POLD4: variants seen among roughly 807,000 people sequenced by gnomAD.
POLD4 encodes DNA polymerase delta 4, accessory subunit.
Under a neutral mutation model 16.5 loss-of-function variants are expected in POLD4, and 9 were observed. The observed-to-expected ratio is 0.55, with a 90% CI of 0.33 to 0.95. The LOEUF is 0.95. Ranked by LOEUF, POLD4 falls within the 40% of genes least tolerant of loss-of-function variation. The pLI is 0.03. For missense variants in POLD4, 129 were observed against 139.7 expected (o/e 0.92, Z 0.39); for synonymous variants, 62 against 57.6 (o/e 1.08, Z -0.35).
chr11:67,353,565 G>T, upstream of POLD4: 1 of 607,910 alleles, frequency 1.6e-6, no homozygotes, highest in Non-Finnish European at 2.8e-6. Flanking sequence ...CGGGGTCCAG[G>T]GAGGGACGCC....
intron 1 of POLD4, 103 bp downstream of exon 1, chr11:67,353,200 G>T: frequency 6.6e-7 from 1 of 1,523,510 alleles, no homozygotes. Context: ...CGGGAGGGGA[G>T]GACAGGCCAC....
rs1861897979 is a variant in POLD4, at chr11:67,352,696, C to T, written c.294G>A (p.Gln98=). Residue 98 remains glutamine, a synonymous_variant, in exon 3 of 4, where the codon CAG becomes CAA. Coordinates refer to ENST00000312419, the MANE Select transcript of POLD4 (RefSeq NM_021173.5). ...CCTCCCGGCCTGTCTCTGACCTGCA[C>T]TGGAAGCGGGGGTCTCCGGGGTGGG... ...LKTHPGDPRF[Q]CSLWHLYPL is the part of the protein sequence containing the mutation. 6.2e-7 allele frequency: 1 copy of T among 1,612,198 alleles called. No individual in the cohort carries two copies. The highest frequency in any genetic ancestry group is 1.3e-5 in the African/African-American group (1 of 74,860).
Position 67,350,869 on chromosome 11 carries a change from C to T in POLD4, c.*1126G>A, listed in dbSNP as rs1861853834. On this transcript the variant is annotated 3_prime_UTR_variant, in exon 4 of 4. Transcript: ENST00000312419. The stretch of plus-strand genomic sequence containing the variant: ...TCTCAGCTCACTGCCAGCTCTGCCT[C>T]CCGGGTTCACGCCATTCTCCTGCCT... The T allele has an allele frequency of 6.6e-6, 1 of 151,852 alleles. No individual in the cohort carries two copies. Among genetic ancestry groups the T allele is most frequent in the Non-Finnish European group, 1.5e-5 (1 of 68,048 alleles). 9.4% of individuals were successfully genotyped at this position (151,852 alleles called of 1,614,324 possible).
In POLD4 at chr11:67,352,878, G is replaced by T. The variant is rs570771947; in HGVS notation, c.188-76C>A. ...TCTGAGCTGGAGAATGTGTGTGTTG[G>T]GGGGAGACAGTTCCTGAGGGTCAGA... On this transcript the variant is annotated intron_variant, in intron 2 of 3. Coordinates refer to ENST00000312419, the MANE Select transcript of POLD4 (RefSeq NM_021173.5). 8 of 1,368,938 alleles carry T rather than the reference G, an allele frequency of 5.8e-6. No homozygotes were observed. The African/African-American group carries it at 8.6e-5, about 15-fold the overall frequency. 84.8% of individuals were successfully genotyped at this position (1,368,938 alleles called of 1,614,324 possible). A position where few individuals can be genotyped will look rare whatever the true frequency, so the allele number is the denominator to read the frequency against.
At position 67,352,011 on chromosome 11, in the gene POLD4, T is replaced by C. The variant is rs751903034; in HGVS notation, c.308A>G (p.His103Arg). The C allele has an allele frequency of 6.3e-6, 7 of 1,106,028 alleles. No individual in the cohort carries two copies. In the East Asian group the frequency reaches 2.1e-4, roughly 34 times the overall value. The allele number at this position is 1,106,028 out of a possible 1,614,324, so 68.5% of individuals were successfully genotyped here. A position where few individuals can be genotyped will look rare whatever the true frequency, so the allele number is the denominator to read the frequency against. ...CGTGGTGCCTCATAGGGGATAGAGATGCCAGAGACTGTGGAAGATGGGGTG... is the reference window on the plus strand; with the variant it reads ...CGTGGTGCCTCATAGGGGATAGAGACGCCAGAGACTGTGGAAGATGGGGTG... ...GDPRFQCSLW[H>R]LYPL Residue 103 changes from histidine (H) to arginine (R), a missense_variant, in exon 4 of 4, where the codon CAT (histidine) becomes CGT (arginine). By Grantham distance (29) the His-to-Arg change is conservative. Transcript: ENST00000312419.
rs2514258 is a variant in POLD4, at chr11:67,351,058, A to C, written c.*937T>G. 1.3e-5 allele frequency: 2 copies of C among 152,244 alleles called. No individual in the cohort carries two copies. The highest frequency in any genetic ancestry group is 6.5e-5 in the Admixed American group (1 of 15,276). The allele number at this position is 152,244 out of a possible 1,614,324, so 9.4% of individuals were successfully genotyped here. ...ATTACAGGTGTGAGCCACCGCGCCC[A>C]GCCATCAGTTTCTTACCAAAGCCCC... On this transcript the variant is annotated 3_prime_UTR_variant, in exon 4 of 4. Transcript: ENST00000312419. This position sits in a 1 kb window ranked among gnomAD's most constrained non-coding sequence, Gnocchi z 4.8.
upstream of POLD4, chr11:67,353,585 C>A (rs540094168): frequency 6.1e-5 from 36 of 586,034 alleles, no homozygotes; most frequent in Admixed American, 2.3e-4. Context: ...CTCCCCCACC[C>A]CCAAAAGCAC....
chr11:67,353,236 C>T, intron 1 of POLD4, 67 bp downstream of exon 1: 1 of 1,565,950 alleles, frequency 6.4e-7, no homozygotes, highest in South Asian at 1.1e-5. Flanking sequence ...GGCCCCTCCG[C>T]CCCTCTAGGG....
At position 67,352,878 on chromosome 11, in the gene POLD4, G is replaced by A. The variant is rs570771947; in HGVS notation, c.188-76C>T. 8.8e-6 allele frequency: 12 copies of A among 1,368,820 alleles called. No individual in the cohort carries two copies. The African/African-American group carries it at 1.0e-4, about 11-fold the overall frequency. 84.8% of individuals were successfully genotyped at this position (1,368,820 alleles called of 1,614,324 possible). A position where few individuals can be genotyped will look rare whatever the true frequency, so the allele number is the denominator to read the frequency against. ...TCTGAGCTGGAGAATGTGTGTGTTG[G>A]GGGGAGACAGTTCCTGAGGGTCAGA... On this transcript the variant is annotated intron_variant, in intron 2 of 3. Transcript: ENST00000312419.
chr11:67,353,344 C>G lies in POLD4; in HGVS notation c.56G>C (p.Gly19Ala), dbSNP rs1861921141. ...DSYPVVKRRE[G>A]PAGHSKGELA... is the part of the protein sequence containing the mutation. The stretch of plus-strand genomic sequence containing the variant: ...CTCCCCCTTGCTGTGCCCAGCGGGC[C>G]CCTCCCTCCTCTTCACAACCGGGTA... Residue 19 changes from glycine (G) to alanine (A), a missense_variant, in exon 1 of 4, where the codon GGG (glycine) becomes GCG (alanine). Coordinates refer to ENST00000312419, the MANE Select transcript of POLD4 (RefSeq NM_021173.5). The G allele has an allele frequency of 6.2e-7, 1 of 1,612,580 alleles. No homozygotes were observed. The highest frequency in any genetic ancestry group is 2.2e-5 in the East Asian group (1 of 44,874).
chr11:67,353,172 C>A, intron 1 of POLD4, 95 bp from the exon 2 acceptor site: 1 of 1,497,062 alleles, frequency 6.7e-7, no homozygotes, highest in Non-Finnish European at 9.1e-7. Flanking sequence ...TCTGCCACCC[C>A]GCAGCTAGAC....
In POLD4 at chr11:67,353,324, C is replaced by G. The variant is rs150889244; in HGVS notation, c.76G>C (p.Gly26Arg). Residue 26 changes from glycine to arginine, a missense_variant, in exon 1 of 4, where the codon GGG becomes CGG. Physicochemically the swap from Gly to Arg is moderately radical, Grantham distance 125 (BLOSUM62 -2). Coordinates refer to ENST00000312419, the MANE Select transcript of POLD4 (RefSeq NM_021173.5). Reference protein sequence around the residue: ...RREGPAGHSKGELAPELGEEP... With the variant: ...RREGPAGHSKRELAPELGEEP... ...AGACCTAGCTCGGGTGCCAGCTCCC[C>G]CTTGCTGTGCCCAGCGGGCCCCTCC... 14 of 1,612,350 alleles carry G rather than the reference C, an allele frequency of 8.7e-6. No homozygotes were observed. The African/African-American group carries it at 1.9e-4, about 21-fold the overall frequency.
Position 67,353,348 on chromosome 11 carries a change from C to T in POLD4, c.52G>A (p.Glu18Lys). ...TDSYPVVKRR[E>K]GPAGHSKGEL... ...CCCTTGCTGTGCCCAGCGGGCCCCT[C>T]CCTCCTCTTCACAACCGGGTAGGAA... The change falls in exon 1 of 4, where the codon GAG (glutamate) becomes AAG (lysine). Residue 18 changes from glutamate to lysine, a missense_variant. By Grantham distance (56) the Glu-to-Lys change is moderately conservative. Transcript: ENST00000312419. The T allele has an allele frequency of 1.9e-6, 3 of 1,612,602 alleles. No individual in the cohort carries two copies. Among genetic ancestry groups the T allele is most frequent in the Non-Finnish European group, 2.5e-6 (3 of 1,180,006 alleles).
rs1861924732 is a variant in POLD4 at position 67,353,480 on chromosome 11, G to A, written c.-81C>T. The stretch of plus-strand genomic sequence containing the variant: ...GCCAGTGGGCGCGAGAAAGACAGCT[G>A]CTGAGAGAGACAGACGGGGCCAGGC... On this transcript the variant is annotated 5_prime_UTR_variant, in exon 1 of 4. Transcript: ENST00000312419. 2.4e-6 allele frequency: 3 copies of A among 1,254,728 alleles called. No individual in the cohort carries two copies. The highest frequency in any genetic ancestry group is 4.0e-5 in the Admixed American group (2 of 50,364). 77.7% of individuals were successfully genotyped at this position (1,254,728 alleles called of 1,614,324 possible).
chr11:67,351,967 C>T lies in POLD4; in HGVS notation c.*28G>A, dbSNP rs769846621. The T allele has an allele frequency of 7.3e-7, 1 of 1,373,574 alleles. No individual in the cohort carries two copies. Among genetic ancestry groups the T allele is most frequent in the South Asian group, 1.2e-5 (1 of 84,072 alleles). 85.1% of individuals were successfully genotyped at this position (1,373,574 alleles called of 1,614,324 possible). On this transcript the variant is annotated 3_prime_UTR_variant, in exon 4 of 4. Transcript: ENST00000312419. The surrounding 1 kb of genome is among the most constrained non-coding windows in gnomAD (Gnocchi z 4.8). ...GGTTCTTGGGTGGTGAGCAAGAGAG[C>T]TAAGGGCAGGAGGTCTTACGTGGTG...
rs1408597242 is a variant in POLD4, at chr11:67,351,394, C to T, written c.*601G>A. On this transcript the variant is annotated 3_prime_UTR_variant, in exon 4 of 4. Transcript: ENST00000312419. The surrounding 1 kb of genome is among the most constrained non-coding windows in gnomAD (Gnocchi z 4.8). ...GGCACCAGAGGTCGCTCAGCTCTTCCGAGGACTTGATCCGTCTCAAGATGA... is the reference window on the plus strand; with the variant it reads ...GGCACCAGAGGTCGCTCAGCTCTTCTGAGGACTTGATCCGTCTCAAGATGA... The T allele has an allele frequency of 1.3e-5, 2 of 152,258 alleles. No individual in the cohort carries two copies. The highest frequency in any genetic ancestry group is 6.5e-5 in the Admixed American group (1 of 15,276). 9.4% of individuals were successfully genotyped at this position (152,258 alleles called of 1,614,324 possible).
Position 67,352,971 on chromosome 11 carries a change from G to A in POLD4, c.187+17C>T, listed in dbSNP as rs754788876. On this transcript the variant is annotated intron_variant, in intron 2 of 3. Transcript: ENST00000312419. ...TGGCTGGGAGAGGCGCCTCCGTGGG[G>A]CTGGGTGGGTTCTCACCGGTGCAGG... 4 of 1,540,464 alleles carry A rather than the reference G, an allele frequency of 2.6e-6. No homozygotes were observed. The highest frequency in any genetic ancestry group is 3.5e-6 in the Non-Finnish European group (4 of 1,139,940).
chr11:67,352,053 CAG>C (rs747485648), intron 3 of POLD4, 34 bp from the exon 4 acceptor site: 14,733 of 1,176,370 alleles, frequency 0.013, no homozygotes, highest in South Asian at 0.033. Flanking sequence ...AGGGATACCC[CAG>C]AGAGAGAGAG....
At position 67,353,071 on chromosome 11, in the gene POLD4, T is replaced by C; in HGVS notation, c.104A>G (p.Glu35Gly). The C allele has an allele frequency of 1.3e-6, 2 of 1,583,696 alleles. No homozygotes were observed. The highest frequency in any genetic ancestry group is 8.6e-7 in the Non-Finnish European group (1 of 1,165,208). Reference sequence around the variant, plus strand: ...TTCCTCCTCGTCGCGGGGCTGGGGCTCCTCCCCTGCAATGACAGCTGCTCT... The same window carrying C: ...TTCCTCCTCGTCGCGGGGCTGGGGCCCCTCCCCTGCAATGACAGCTGCTCT... ...KGELAPELGEEPQPRDEEEAE... is the reference protein window; with the variant it reads ...KGELAPELGEGPQPRDEEEAE... Residue 35 changes from glutamate (E) to glycine (G), a missense_variant, in exon 2 of 4, where the codon GAG (glutamate) becomes GGG (glycine). Transcript: ENST00000312419.
Sources: gnomAD v4.1 joint callset for allele counts on GRCh38, gnomAD v4.1.1 for gene constraint, Gnocchi (gnomAD v3.1) non-coding constraint, MANE v1.5 for transcripts, NCBI Gene and HGNC (gene_info 2026-07-23, HGNC 2026-07-21) for gene names.